The following EIF4E3 variants were observed in gnomAD, a reference collection of about 807,000 sequenced individuals.
EIF4E3 encodes eukaryotic translation initiation factor 4E family member 3.
Under a neutral mutation model 31.7 loss-of-function variants are expected in EIF4E3, and 26 were observed. The observed-to-expected ratio is 0.82, with a 90% CI of 0.60 to 1.14. The LOEUF (loss-of-function observed/expected upper bound fraction) is 1.14, where lower values mean the gene tolerates loss of function less well. Ranked by LOEUF, EIF4E3 falls within the 50% of genes most tolerant of loss-of-function variation. EIF4E3 has a pLI of 0.00. For missense variants in EIF4E3, 304 were observed against 270.9 expected (o/e 1.12, Z -0.86); for synonymous variants, 128 against 107.7 (o/e 1.19, Z -1.17).
the EIF4E3 span, among the ~76,000 whole-genome samples, chr3:71,667,924 A>C: frequency 6.6e-6 from 1 of 152,230 alleles, no homozygotes; most frequent in Non-Finnish European, 1.5e-5. Flanking sequence ...ATATGGAACC[A>C]AAAAAGAGCC....
intron 4 of EIF4E3, 64 bp downstream of exon 4, chr3:71,696,396 T>C: frequency 6.3e-7 from 1 of 1,585,052 alleles, no homozygotes; most frequent in Non-Finnish European, 8.7e-7. Flanking sequence ...CACAAAATGC[T>C]GATGACAGGC....
At chr3:71,704,039 GAC>G (rs2049255918) in intron 2 of EIF4E3, among the ~76,000 whole-genome samples, 1 of 152,180 alleles carries the variant, frequency 6.6e-6, no homozygotes, top group Admixed American at 6.5e-5. Flanking sequence ...ACTCACAGCA[GAC>G]ACAAAGGCTG....
chr3:71,704,092 G>A (rs1353933092), intron 2 of EIF4E3, among the ~76,000 whole-genome samples: 2 of 152,242 alleles, frequency 1.3e-5, no homozygotes, highest in Non-Finnish European at 2.9e-5. Flanking sequence ...AGGTACTTGA[G>A]AGAGAAATGG....
intron 3 of EIF4E3, among the ~76,000 whole-genome samples, chr3:71,697,142 A>T (rs2049150752): frequency 6.6e-6 from 1 of 152,096 alleles, no homozygotes; most frequent in Non-Finnish European, 1.5e-5. Flanking sequence ...CAGCCTCCCA[A>T]GTAGCTGGGA....
chr3:71,743,798 A>G (rs948539774), intron 1 of EIF4E3, among the ~76,000 whole-genome samples: 6 of 152,340 alleles, frequency 3.9e-5, no homozygotes, highest in African/African-American at 1.4e-4. Context: ...GTCCAGGAAA[A>G]GACCCACACA....
At chr3:71,672,002 T>C (rs1333338822), downstream of EIF4E3, among the ~76,000 whole-genome samples, 1 of 152,190 alleles carries the variant, frequency 6.6e-6, no homozygotes, top group African/African-American at 2.4e-5. Context: ...ATTGAAATCC[T>C]GCGCTCCCCG....
chr3:71,675,033 G>C (rs1276974068), downstream of EIF4E3, among the ~76,000 whole-genome samples: 1 of 152,196 alleles, frequency 6.6e-6, no homozygotes, highest in East Asian at 1.9e-4. Context: ...CAAATCCAGA[G>C]AGAATCCTAC....
rs1262172158 is a variant in EIF4E3, at chr3:71,725,155, G to A, written c.176+37C>T. On this transcript the variant is annotated intron_variant, in intron 1 of 6. Transcript: ENST00000425534. The surrounding 1 kb of genome is among the most constrained non-coding windows in gnomAD (Gnocchi z 6.1). The stretch of plus-strand genomic sequence containing the variant: ...AAGCGGCGGTGGCGGCAGGACCCGG[G>A]TCGGGGCCGTGCGCGGCGGGCCCCG... 1 of 1,061,068 alleles carries A rather than the reference G, an allele frequency of 9.4e-7. No homozygotes were observed. The highest frequency in any genetic ancestry group is 1.1e-6 in the Non-Finnish European group (1 of 881,554). 65.7% of individuals were successfully genotyped at this position (1,061,068 alleles called of 1,614,324 possible).
chr3:71,663,213 T>C, the EIF4E3 span, among the ~76,000 whole-genome samples: 2 of 152,158 alleles, frequency 1.3e-5, no homozygotes, highest in African/African-American at 4.8e-5. Flanking sequence ...TCCTCGCCTG[T>C]TGTGTTATTT....
chr3:71,716,196 A>T (rs2049462503), intron 1 of EIF4E3, among the ~76,000 whole-genome samples: 1 of 152,034 alleles, frequency 6.6e-6, no homozygotes, highest in African/African-American at 2.4e-5. Context: ...AATATAAATA[A>T]CATGATTCCG....
chr3:71,752,465 C>T (rs2049939778), intron 1 of EIF4E3, among the ~76,000 whole-genome samples: 1 of 152,154 alleles, frequency 6.6e-6, no homozygotes, highest in South Asian at 2.1e-4. Flanking sequence ...CATTAAGGCC[C>T]TCTATGATCT....
the EIF4E3 span, among the ~76,000 whole-genome samples, chr3:71,668,858 C>G: frequency 2.4e-4 from 36 of 152,168 alleles, no homozygotes; most frequent in Non-Finnish European, 4.6e-4. Flanking sequence ...GGATCTAGAA[C>G]TAGAAATACC....
chr3:71,743,451 A>G lies in EIF4E3; in HGVS notation c.-291+10012T>C, dbSNP rs1433795490. Among the ~76,000 whole-genome samples the G allele has an allele frequency of 2.6e-5, 4 of 152,334 alleles. No homozygotes were observed. The East Asian group carries it at 7.7e-4, about 29-fold the overall frequency. On this transcript the variant is annotated intron_variant, in intron 1 of 7. Transcript: ENST00000295612. ...ATACAAGAACTATACACTGGGAAGTACAAAAGACTGCTGAGAGAAATAAAA... is the reference window on the plus strand; with the variant it reads ...ATACAAGAACTATACACTGGGAAGTGCAAAAGACTGCTGAGAGAAATAAAA...
the EIF4E3 span, among the ~76,000 whole-genome samples, chr3:71,659,896 G>A: frequency 6.6e-6 from 1 of 152,214 alleles, no homozygotes. Flanking sequence ...ACATTACTGG[G>A]AGGAGGCCAA....
At chr3:71,742,229 T>A (rs541464882) in intron 1 of EIF4E3, among the ~76,000 whole-genome samples, 19 of 152,166 alleles carry the variant, frequency 1.2e-4, no homozygotes, top group Middle Eastern at 3.4e-3. Context: ...TATTTGAGAC[T>A]GAAAAAAATG....
chr3:71,671,729 C>T (rs189196475), downstream of EIF4E3, among the ~76,000 whole-genome samples: 1 of 152,082 alleles, frequency 6.6e-6, no homozygotes, highest in Non-Finnish European at 1.5e-5. Flanking sequence ...TAGATTTGTG[C>T]ATGCTGCCCA....
intron 1 of EIF4E3, among the ~76,000 whole-genome samples, chr3:71,739,696 G>GA (rs900897714): frequency 7.5e-5 from 11 of 147,004 alleles, no homozygotes; most frequent in South Asian, 2.2e-4. Flanking sequence ...GACTCTGTCT[G>GA]AAAAAAAAAA....
rs368027035 is a variant in EIF4E3 at position 71,682,119 on chromosome 3, C to T, written c.*2563G>A. The T allele has an allele frequency of 6.6e-6, 1 of 152,162 alleles. No homozygotes were observed. The highest frequency in any genetic ancestry group is 1.5e-5 in the Non-Finnish European group (1 of 68,038). 9.4% of individuals were successfully genotyped at this position (152,162 alleles called of 1,614,324 possible). ...AATGGGTATTATTTGTCCTTACTTTCCCAATGTAGGCAAGTGCCTGTGATA... is the reference window on the plus strand; with the variant it reads ...AATGGGTATTATTTGTCCTTACTTTTCCAATGTAGGCAAGTGCCTGTGATA... On this transcript the variant is annotated 3_prime_UTR_variant, in exon 7 of 7. Coordinates refer to ENST00000425534, the MANE Select transcript of EIF4E3 (RefSeq NM_001134651.2).
intron 1 of EIF4E3, among the ~76,000 whole-genome samples, chr3:71,722,125 G>A (rs1406649174): frequency 6.6e-6 from 1 of 152,100 alleles, no homozygotes; most frequent in African/African-American, 2.4e-5. Flanking sequence ...GGTTACAGAT[G>A]ACTCTAAGAT....
Sources: gnomAD v4.1 joint callset for allele counts (sites outside exome capture counted in the v4.1 genomes callset) on GRCh38, gnomAD v4.1.1 for gene constraint, Gnocchi (gnomAD v3.1) non-coding constraint, MANE v1.5 for transcripts, NCBI Gene and HGNC (gene_info 2026-07-23, HGNC 2026-07-21) for gene names.